Variants in FTO observed in about 807,000 individuals in gnomAD.
FTO encodes the protein FTO alpha-ketoglutarate dependent dioxygenase.
A neutral mutation model predicts 63.9 loss-of-function variants in FTO; 47 were observed. The ratio of observed to expected loss-of-function variants is 0.74; its 90% CI spans 0.58 to 0.94. FTO has a LOEUF of 0.94. FTO is among the 40% of genes least tolerant of loss of function. The probability of loss-of-function intolerance (pLI) is 0.00; values close to 1 mark genes in which losing one functional copy is unlikely to be tolerated. For missense variants in FTO, 562 were observed against 618.1 expected (o/e 0.91, Z 0.96); for synonymous variants, 207 against 224.4 (o/e 0.92, Z 0.69).
At position 53,974,449 on chromosome 16, in the gene FTO, GAGTAA is replaced by G. The variant is rs2083392770; in HGVS notation, c.1364+40342_1364+40346del. ...TAATAAAAACATCAAGATTCACCAT[GAGTAA>G]ATGACTTGCCTGCAAATGATCATGC... On this transcript the variant is annotated intron_variant, in intron 8 of 8. Transcript: ENST00000471389. Among the ~76,000 whole-genome samples the G allele has an allele frequency of 5.9e-5, 9 of 152,146 alleles. No individual in the cohort carries two copies. The South Asian group carries it at 1.9e-3, about 32-fold the overall frequency.
chr16:54,083,385 T>C (rs2086190971), intron 8 of FTO, among the ~76,000 whole-genome samples: 1 of 152,306 alleles, frequency 6.6e-6, no homozygotes, highest in African/African-American at 2.4e-5. Context: ...ATCTCTGATC[T>C]CATTATGTTG....
intron 8 of FTO, among the ~76,000 whole-genome samples, chr16:54,004,466 C>G (rs1175882637): frequency 6.6e-6 from 1 of 151,886 alleles, no homozygotes; most frequent in African/African-American, 2.4e-5. Context: ...GCAGAATATC[C>G]TATGTTGGAT....
At chr16:53,913,152 G>A (rs2081757386) in intron 7 of FTO, among the ~76,000 whole-genome samples, 1 of 152,136 alleles carries the variant, frequency 6.6e-6, no homozygotes, top group African/African-American at 2.4e-5. Context: ...GATTAGTGTA[G>A]CCATTTTTAG....
intron 1 of FTO, among the ~76,000 whole-genome samples, chr16:53,779,899 C>T (rs1487917607): frequency 4.6e-5 from 7 of 152,110 alleles, no homozygotes; most frequent in African/African-American, 1.7e-4. Context: ...CAATTTTCTC[C>T]ACTTCTGTCA....
chr16:53,820,035 G>A (rs1438995785), intron 2 of FTO, among the ~76,000 whole-genome samples: 1 of 147,546 alleles, frequency 6.8e-6, no homozygotes, highest in African/African-American at 2.5e-5. Context: ...TTGAGATGGA[G>A]TCTTGCTCTG....
intron 6 of FTO, among the ~76,000 whole-genome samples, chr16:53,887,147 A>G (rs549854678): frequency 6.6e-6 from 1 of 152,368 alleles, no homozygotes; most frequent in Admixed American, 6.5e-5. Context: ...AAGTAAGAAC[A>G]GCTTCAGGAA....
At chr16:53,971,229 G>T (rs1317006285) in intron 8 of FTO, among the ~76,000 whole-genome samples, 1 of 152,134 alleles carries the variant, frequency 6.6e-6, no homozygotes, top group African/African-American at 2.4e-5. Context: ...AAGTAATGCT[G>T]CAATTACATA....
intron 8 of FTO, among the ~76,000 whole-genome samples, chr16:54,109,686 G>A (rs141464371): frequency 2.6e-5 from 4 of 152,286 alleles, no homozygotes; most frequent in African/African-American, 9.6e-5. Flanking sequence ...AAACAGCTTC[G>A]CCCAAAAGAA....
At chr16:53,778,672 C>T (rs549026551) in intron 1 of FTO, among the ~76,000 whole-genome samples, 1 of 152,002 alleles carries the variant, frequency 6.6e-6, no homozygotes, top group Non-Finnish European at 1.5e-5. Flanking sequence ...TCCTTTTTTA[C>T]CCTGGAACTT....
intron 7 of FTO, among the ~76,000 whole-genome samples, chr16:53,921,439 T>C (rs1018768429): frequency 3.3e-5 from 5 of 152,192 alleles, no homozygotes; most frequent in African/African-American, 1.2e-4. Flanking sequence ...GGCTCAATTA[T>C]TTCGTACTTG....
chr16:54,107,415 T>C (rs2086781180), intron 8 of FTO, among the ~76,000 whole-genome samples: 1 of 152,202 alleles, frequency 6.6e-6, no homozygotes, highest in Non-Finnish European at 1.5e-5. Flanking sequence ...TCCTGAAAAT[T>C]GGCTTATTTT....
intron 8 of FTO, among the ~76,000 whole-genome samples, chr16:53,943,048 G>A (rs749922449): frequency 4.6e-5 from 7 of 152,132 alleles, no homozygotes; most frequent in Non-Finnish European, 7.3e-5. Flanking sequence ...CTGTCCCTTC[G>A]CTTTTAATAA....
chr16:53,978,799 C>T (rs2083480029), intron 8 of FTO, among the ~76,000 whole-genome samples: 2 of 152,102 alleles, frequency 1.3e-5, no homozygotes, highest in South Asian at 2.1e-4. Flanking sequence ...GAGTTTGAGA[C>T]CAGCCTGGCC....
chr16:54,019,610 A>G (rs1196751822), intron 8 of FTO, among the ~76,000 whole-genome samples: 1 of 141,526 alleles, frequency 7.1e-6, no homozygotes, highest in African/African-American at 2.8e-5. Flanking sequence ...CTTCAGGTAG[A>G]AACCAGGAAC....
intron 8 of FTO, among the ~76,000 whole-genome samples, chr16:54,029,951 GCAGTA>G (rs1395969792): frequency 6.6e-6 from 1 of 152,178 alleles, no homozygotes. Context: ...TTTAACTCAT[GCAGTA>G]AAGTAAGCTT....
At chr16:53,761,426 G>A (rs142472518) in intron 1 of FTO, among the ~76,000 whole-genome samples, 112 of 152,172 alleles carry the variant, frequency 7.4e-4, no homozygotes, top group African/African-American at 2.6e-3. Flanking sequence ...CTTTACAGGC[G>A]TTCCAGTGAG....
chr16:53,990,493 C>T (rs1331162709), intron 8 of FTO, among the ~76,000 whole-genome samples: 2 of 152,016 alleles, frequency 1.3e-5, no homozygotes, highest in African/African-American at 4.8e-5. Context: ...CAGCGGCAGG[C>T]CAAGTCTTCT....
intron 1 of FTO, among the ~76,000 whole-genome samples, chr16:53,712,963 G>A (rs75435283): frequency 0.085 from 12,219 of 143,934 alleles, 710 homozygotes; most frequent in South Asian, 0.24. Flanking sequence ...TTTTTTTTCC[G>A]TTTTGTCATT....
At chr16:53,828,543 C>A (rs1183194533) in intron 3 of FTO, among the ~76,000 whole-genome samples, 1 of 152,168 alleles carries the variant, frequency 6.6e-6, no homozygotes, top group Admixed American at 6.5e-5. Context: ...TCTCAGAACT[C>A]CATCTAATAA....
Sources: gnomAD v4.1 joint callset for allele counts (sites outside exome capture counted in the v4.1 genomes callset) on GRCh38, gnomAD v4.1.1 for gene constraint, MANE v1.5 for transcripts, NCBI Gene and HGNC (gene_info 2026-07-23, HGNC 2026-07-21) for gene names.